STRBP: variants seen among roughly 807,000 people sequenced by gnomAD.
STRBP encodes spermatid perinuclear RNA binding protein.
STRBP carries 13 observed loss-of-function variants against 80.1 expected under a neutral mutation model. That is an observed-to-expected ratio of 0.16 (90% CI 0.11 to 0.26). The LOEUF is 0.26. Ranked by LOEUF, STRBP falls within the 10% of genes least tolerant of loss-of-function variation. STRBP has a pLI of 1.00. For synonymous variants in STRBP, 284 were observed against 291.2 expected (o/e 0.98, Z 0.25); for missense variants, 485 against 815.2 (o/e 0.59, Z 4.93).
intron 2 of STRBP, among the ~76,000 whole-genome samples, chr9:123,191,668 A>G (rs1038382434): frequency 6.6e-6 from 1 of 152,184 alleles, no homozygotes; most frequent in African/African-American, 2.4e-5. Context: ...ACATCAAAAA[A>G]TATCAATTTT....
intron 2 of STRBP, among the ~76,000 whole-genome samples, chr9:123,223,793 T>C (rs747138639): frequency 1.3e-5 from 2 of 152,182 alleles, no homozygotes; most frequent in Non-Finnish European, 2.9e-5. Context: ...TTTATTTATA[T>C]TCATATATGT....
In STRBP at chr9:123,169,969, G is replaced by A. The variant is rs769721239; in HGVS notation, c.468C>T (p.Pro156=). The A allele has an allele frequency of 2.5e-6, 4 of 1,608,790 alleles. No individual in the cohort carries two copies. The Admixed American group carries it at 6.8e-5, about 27-fold the overall frequency. The change falls in exon 6 of 19, where the codon CCC becomes CCT. Residue 156 remains proline (P), a synonymous_variant. Coordinates refer to ENST00000348403, the MANE Select transcript of STRBP (RefSeq NM_018387.5). ...TAAGTATCACCTTCAAAGTTAGCGT[G>A]GGCTCTTTTGTATTCCGAATTATAA... The part of the protein sequence containing the change: ...ASIIIRNTKE[P]TLTLKVILTS...
intron 13 of STRBP, among the ~76,000 whole-genome samples, chr9:123,141,445 A>G (rs2036587649): frequency 6.6e-6 from 1 of 152,186 alleles, no homozygotes; most frequent in African/African-American, 2.4e-5. Context: ...TTAATATTTT[A>G]TTTTAAAAAC....
In STRBP at chr9:123,122,859, C is replaced by A; in HGVS notation, c.*2738G>T. 2 of 985,850 alleles carry A rather than the reference C, an allele frequency of 2.0e-6. No homozygotes were observed. Among genetic ancestry groups the A allele is most frequent in the Non-Finnish European group, 1.2e-6 (1 of 830,232 alleles). 61.1% of individuals were successfully genotyped at this position (985,850 alleles called of 1,614,324 possible). A position where few individuals can be genotyped will look rare whatever the true frequency, so the allele number is the denominator to read the frequency against. On this transcript the variant is annotated 3_prime_UTR_variant, in exon 19 of 19. Coordinates refer to ENST00000348403, the MANE Select transcript of STRBP (RefSeq NM_018387.5). ...TCACACGCTAATTTTAAGCTCTACA[C>A]TGACCTGTAAACTCCCTGACAAGAA...
In STRBP at chr9:123,177,146, T is replaced by C. The variant is rs141662229; in HGVS notation, c.224+1861A>G. Among the ~76,000 whole-genome samples, 292 of 152,302 alleles carry C rather than the reference T, an allele frequency of 1.9e-3. 1 individual carries two copies. Among genetic ancestry groups the C allele is most frequent in the African/African-American group, 6.7e-3 (278 of 41,568 alleles). On this transcript the variant is annotated intron_variant, in intron 4 of 18. Transcript: ENST00000348403. Reference sequence around the variant, plus strand: ...TACATGCCAGCCTCTGATATAAGAATAGAATCTCATTCTGCACTCCTTGAG... The same window carrying C: ...TACATGCCAGCCTCTGATATAAGAACAGAATCTCATTCTGCACTCCTTGAG...
At chr9:123,203,598 T>G (rs2039407415) in intron 2 of STRBP, among the ~76,000 whole-genome samples, 1 of 152,130 alleles carries the variant, frequency 6.6e-6, no homozygotes, top group Non-Finnish European at 1.5e-5. Flanking sequence ...GCCCCCAATA[T>G]CCACATCACC....
chr9:123,196,046 T>C (rs1055300649), intron 2 of STRBP, among the ~76,000 whole-genome samples: 1 of 152,072 alleles, frequency 6.6e-6, no homozygotes, highest in Non-Finnish European at 1.5e-5. Context: ...TGGAACATAA[T>C]AGAGAACCCA....
chr9:123,228,740 G>A (rs1243097029), intron 2 of STRBP, among the ~76,000 whole-genome samples: 1 of 152,174 alleles, frequency 6.6e-6, no homozygotes, highest in Non-Finnish European at 1.5e-5. Flanking sequence ...TGGTGGAAAT[G>A]TAAAATGGTA....
chr9:123,267,790 A>G lies in STRBP; in HGVS notation c.-302+646T>C, dbSNP rs2041304982. On this transcript the variant is annotated intron_variant, in intron 1 of 18. Transcript: ENST00000348403. ...TCCTTCCAGTCCTGCTCGAGTCCCC[A>G]GTCTTCTCCCTCCATTCCCACCCCA... Among the ~76,000 whole-genome samples, 3 of 128,248 alleles carry G rather than the reference A, an allele frequency of 2.3e-5. No individual in the cohort carries two copies. In the South Asian group the frequency reaches 7.7e-4, roughly 33 times the overall value. The allele number at this position is 128,248 out of a possible 152,430, so 84.1% of individuals were successfully genotyped here.
intron 1 of STRBP, among the ~76,000 whole-genome samples, chr9:123,256,770 T>C (rs2041040442): frequency 6.6e-6 from 1 of 151,956 alleles, no homozygotes; most frequent in South Asian, 2.1e-4. Flanking sequence ...TGGGACCATT[T>C]AGACAGACCA....
At chr9:123,210,656 G>C (rs540346215) in intron 2 of STRBP, among the ~76,000 whole-genome samples, 10 of 151,894 alleles carry the variant, frequency 6.6e-5, no homozygotes, top group Non-Finnish European at 1.0e-4. Flanking sequence ...GTGAAACCCC[G>C]TCTCTACTAA....
At chr9:123,158,799 T>C (rs1200617085) in intron 9 of STRBP, among the ~76,000 whole-genome samples, 1 of 152,192 alleles carries the variant, frequency 6.6e-6, no homozygotes, top group Non-Finnish European at 1.5e-5. Flanking sequence ...ATGAACTTCA[T>C]ACATTTTAAC....
At chr9:123,121,053 C>T (rs1225800125), downstream of STRBP, among the ~76,000 whole-genome samples, 2 of 152,222 alleles carry the variant, frequency 1.3e-5, no homozygotes, top group Non-Finnish European at 2.9e-5. Flanking sequence ...CCTCTGTTCA[C>T]TTGTACCCAG....
At chr9:123,210,106 G>A (rs1564302326) in intron 2 of STRBP, among the ~76,000 whole-genome samples, 1 of 152,168 alleles carries the variant, frequency 6.6e-6, no homozygotes, top group Non-Finnish European at 1.5e-5. Flanking sequence ...AATGCTTCCT[G>A]TTCTTTCATT....
intron 2 of STRBP, among the ~76,000 whole-genome samples, chr9:123,216,502 G>A (rs1043320264): frequency 6.6e-6 from 1 of 152,144 alleles, no homozygotes; most frequent in African/African-American, 2.4e-5. Flanking sequence ...AGACAGTCTT[G>A]CCATAGAAAT....
chr9:123,219,598 A>T (rs1478615575), intron 2 of STRBP, among the ~76,000 whole-genome samples: 1 of 152,256 alleles, frequency 6.6e-6, no homozygotes, highest in Non-Finnish European at 1.5e-5. Flanking sequence ...TATACATATA[A>T]GAGAAGCTCA....
intron 2 of STRBP, among the ~76,000 whole-genome samples, chr9:123,186,178 A>G (rs2038691328): frequency 6.6e-6 from 1 of 152,020 alleles, no homozygotes; most frequent in African/African-American, 2.4e-5. Flanking sequence ...CCCCATCTCT[A>G]CCAAAAAAAT....
chr9:123,164,646 C>T (rs866326642), intron 6 of STRBP, among the ~76,000 whole-genome samples: 8 of 152,188 alleles, frequency 5.3e-5, no homozygotes, highest in Middle Eastern at 3.4e-3. Context: ...ATGTCTGGAA[C>T]CTAGGCTCTT....
chr9:123,253,531 T>C (rs999310752), intron 1 of STRBP, among the ~76,000 whole-genome samples: 4 of 152,254 alleles, frequency 2.6e-5, no homozygotes, highest in African/African-American at 9.6e-5. Context: ...CAAATAGATA[T>C]GGATTTGAAT....
Sources: allele counts gnomAD v4.1 joint callset (sites outside exome capture counted in the v4.1 genomes callset), GRCh38; gene constraint gnomAD v4.1.1; transcripts MANE v1.5; gene names NCBI Gene and HGNC (gene_info 2026-07-23, HGNC 2026-07-21).